MTUS2: variants seen among roughly 807,000 people sequenced by gnomAD.
MTUS2 encodes microtubule associated scaffold protein 2.
MTUS2 carries 40 observed loss-of-function variants against 114.1 expected under a neutral mutation model. That is an observed-to-expected ratio of 0.35 (90% CI 0.27 to 0.46). MTUS2 has a LOEUF of 0.46. MTUS2 is among the 20% of genes least tolerant of loss of function. MTUS2 has a pLI of 1.00. For synonymous variants in MTUS2, 688 were observed against 672.0 expected (o/e 1.02, Z -0.37); for missense variants, 1,679 against 1,705.4 (o/e 0.98, Z 0.27).
In MTUS2 at chr13:28,852,900, AATAC is replaced by A. The variant is rs11274039; in HGVS notation, c.-243+13078_-243+13081del. The stretch of plus-strand genomic sequence containing the variant: ...GGTGACAGAGCGAGCCTCTGTCTTA[AATAC>A]ATACATACATACATACATACATACA... On this transcript the variant is annotated intron_variant, in intron 2 of 15. Coordinates refer to ENST00000612955, the MANE Select transcript of MTUS2 (RefSeq NM_001033602.4). Among the ~76,000 whole-genome samples the A allele has an allele frequency of 2.6e-4, 39 of 148,604 alleles. 1 individual carries two copies. The highest frequency in any genetic ancestry group is 7.8e-4 in the African/African-American group (31 of 39,978).
chr13:29,062,375 G>A (rs1446282418), intron 4 of MTUS2, among the ~76,000 whole-genome samples: 1 of 150,262 alleles, frequency 6.7e-6, no homozygotes, highest in Non-Finnish European at 1.5e-5. Flanking sequence ...TTCTGTGTAG[G>A]TCTTTGGTGC....
rs567194440 is a variant in MTUS2, at chr13:28,973,604, T to C, written c.-242-50853T>C. The stretch of plus-strand genomic sequence containing the variant: ...TTTACCACATTTTAGCACTAGGCTT[T>C]TGTGACAAGGGTTTCTAACTGTAAT... On this transcript the variant is annotated intron_variant, in intron 2 of 15. Coordinates refer to ENST00000612955, the MANE Select transcript of MTUS2 (RefSeq NM_001033602.4). 3.3e-5 allele frequency among the ~76,000 whole-genome samples: 5 copies of C among 152,336 alleles called. No homozygotes were observed. In the South Asian group the frequency reaches 1.0e-3, roughly 32 times the overall value.
chr13:29,191,639 CT>C (rs1323441720), intron 5 of MTUS2, among the ~76,000 whole-genome samples: 1 of 152,154 alleles, frequency 6.6e-6, no homozygotes, highest in Non-Finnish European at 1.5e-5. Context: ...CTGAATCCCC[CT>C]GGCCTCCTGC....
intron 6 of MTUS2, among the ~76,000 whole-genome samples, chr13:29,301,071 G>T (rs1899182186): frequency 6.6e-6 from 1 of 152,166 alleles, no homozygotes; most frequent in Non-Finnish European, 1.5e-5. Context: ...TTTCTGTTGA[G>T]AACCACTTTG....
At chr13:28,834,690 C>A (rs933131406) in intron 1 of MTUS2, among the ~76,000 whole-genome samples, 5 of 152,038 alleles carry the variant, frequency 3.3e-5, no homozygotes, top group Admixed American at 6.6e-5. Flanking sequence ...ATAAAAATTA[C>A]AAAATTGTTT....
At chr13:29,488,437 CT>C (rs35983023) in intron 11 of MTUS2, among the ~76,000 whole-genome samples, 12,427 of 113,686 alleles carry the variant, frequency 0.11, 944 homozygotes, top group African/African-American at 0.26. Flanking sequence ...TTTTTTTCCT[CT>C]TTTTTTTTTT....
intron 2 of MTUS2, among the ~76,000 whole-genome samples, chr13:28,894,433 G>A (rs371152321): frequency 2.6e-5 from 4 of 151,872 alleles, no homozygotes; most frequent in East Asian, 1.9e-4. Flanking sequence ...TCTGCAAGCC[G>A]GGAAGGGGGT....
chr13:29,167,890 A>AT (rs1415450330), intron 5 of MTUS2, among the ~76,000 whole-genome samples: 1 of 152,218 alleles, frequency 6.6e-6, no homozygotes, highest in African/African-American at 2.4e-5. Context: ...TGTATGTATT[A>AT]TTCATGTATG....
intron 5 of MTUS2, among the ~76,000 whole-genome samples, chr13:29,260,415 C>T (rs1448294103): frequency 6.6e-6 from 1 of 152,200 alleles, no homozygotes; most frequent in African/African-American, 2.4e-5. Flanking sequence ...GGCACTACTA[C>T]TGAACAGTCA....
intron 5 of MTUS2, among the ~76,000 whole-genome samples, chr13:29,274,360 T>C (rs1897984036): frequency 6.6e-6 from 1 of 152,146 alleles, no homozygotes; most frequent in South Asian, 2.1e-4. Context: ...TCTGCCTGCC[T>C]CCGCCTCCCA....
rs1289157119 is a variant in MTUS2, at chr13:29,171,273, A to G, written c.2644+70303A>G. The stretch of plus-strand genomic sequence containing the variant: ...GTGAAAATCTATTCTTCAATGCTTC[A>G]TGGTCCTCCATTGCCTGATAAATAT... On this transcript the variant is annotated intron_variant, in intron 5 of 15. Coordinates refer to ENST00000612955, the MANE Select transcript of MTUS2 (RefSeq NM_001033602.4). Among the ~76,000 whole-genome samples the G allele has an allele frequency of 1.4e-4, 22 of 152,310 alleles. 1 individual carries two copies. Among genetic ancestry groups the G allele is most frequent in the Admixed American group, 1.4e-3 (21 of 15,298 alleles).
At chr13:29,446,961 T>C (rs568465131) in intron 9 of MTUS2, among the ~76,000 whole-genome samples, 1 of 152,276 alleles carries the variant, frequency 6.6e-6, no homozygotes, top group South Asian at 2.1e-4. Flanking sequence ...ATGTTGATTA[T>C]CCACAGTTCA....
chr13:29,371,732 A>G (rs1389236471), intron 8 of MTUS2, among the ~76,000 whole-genome samples: 1 of 152,094 alleles, frequency 6.6e-6, no homozygotes, highest in Admixed American at 6.6e-5. Flanking sequence ...ACCTCCTTTG[A>G]TCTTCTCAGC....
intron 5 of MTUS2, among the ~76,000 whole-genome samples, chr13:29,231,111 T>G (rs761242905): frequency 2.6e-5 from 4 of 152,212 alleles, no homozygotes; most frequent in Non-Finnish European, 2.9e-5. Context: ...CATCATTTTA[T>G]TATGTGTGTT....
chr13:29,065,346 A>C (rs1018408463), intron 4 of MTUS2, among the ~76,000 whole-genome samples: 5 of 151,944 alleles, frequency 3.3e-5, no homozygotes, highest in African/African-American at 1.2e-4. Context: ...ATGGTATCTC[A>C]TTGTGGTTTT....
rs138889342 is a variant in MTUS2, at chr13:28,906,812, A to T, written c.-243+66962A>T. Among the ~76,000 whole-genome samples, 723 of 151,672 alleles carry T rather than the reference A, an allele frequency of 4.8e-3. 33 individuals are homozygous for T. Among genetic ancestry groups the T allele is most frequent in the African/African-American group, 0.016 (655 of 41,154 alleles). ...TGAGGTGATGGGGAGAATGGAACCA[A>T]GTTGGAAAACACTTTGCACGGTGTT... On this transcript the variant is annotated intron_variant, in intron 2 of 15. Coordinates refer to ENST00000612955, the MANE Select transcript of MTUS2 (RefSeq NM_001033602.4).
chr13:29,280,735 A>C (rs1197355877), intron 5 of MTUS2, among the ~76,000 whole-genome samples: 1 of 152,324 alleles, frequency 6.6e-6, no homozygotes, highest in East Asian at 1.9e-4. Flanking sequence ...GTTTTATTCC[A>C]AACAAGTGGT....
At chr13:28,968,728 C>G (rs1369198081) in intron 2 of MTUS2, among the ~76,000 whole-genome samples, 2 of 152,102 alleles carry the variant, frequency 1.3e-5, no homozygotes, top group Non-Finnish European at 2.9e-5. Context: ...AAATTTTAAG[C>G]AGATTGCTTC....
At chr13:28,891,462 G>A (rs769138402) in intron 2 of MTUS2, among the ~76,000 whole-genome samples, 29 of 152,190 alleles carry the variant, frequency 1.9e-4, no homozygotes, top group Admixed American at 5.2e-4. Flanking sequence ...AGGCAGAATC[G>A]TAGGCCGTTG....
Sources: allele counts gnomAD v4.1 joint callset (sites outside exome capture counted in the v4.1 genomes callset), GRCh38; gene constraint gnomAD v4.1.1; transcripts MANE v1.5; gene names NCBI Gene and HGNC (gene_info 2026-07-23, HGNC 2026-07-21).